The following TAF3 variants were observed in gnomAD, a reference collection of about 807,000 sequenced individuals.
TAF3 encodes TATA-box binding protein associated factor 3.
In TAF3, 7 loss-of-function variants were observed where a neutral mutation model predicts 80.6. That is an observed-to-expected ratio of 0.09 (90% CI 0.05 to 0.16). The LOEUF (loss-of-function observed/expected upper bound fraction) is 0.16. TAF3 is among the 10% of genes least tolerant of loss of function. The pLI is 1.00. For missense variants in TAF3, 921 were observed against 1,140.2 expected (o/e 0.81, Z 2.77); for synonymous variants, 444 against 446.1 (o/e 1.00, Z 0.06).
intron 2 of TAF3, among the ~76,000 whole-genome samples, chr10:7,878,974 C>T (rs1157114475): frequency 1.3e-5 from 2 of 152,110 alleles, no homozygotes; most frequent in Non-Finnish European, 2.9e-5. Context: ...GCAATCCGCT[C>T]ACCTCAGCTT....
At chr10:7,950,115 C>T (rs531823012) in intron 2 of TAF3, among the ~76,000 whole-genome samples, 5 of 152,232 alleles carry the variant, frequency 3.3e-5, no homozygotes, top group East Asian at 3.9e-4. Flanking sequence ...ATGTGGTTCC[C>T]GTATCAGTGA....
At position 7,965,609 on chromosome 10, in the gene TAF3, A is replaced by G; in HGVS notation, c.2099A>G (p.Glu700Gly). Residue 700 changes from glutamate to glycine, a missense_variant, in exon 3 of 7, where the codon GAA becomes GGA. Glu to Gly is a moderately conservative substitution (Grantham distance 98). Transcript: ENST00000344293. ...GAGAAAGAGAAGGTGAAGGAGAAAGAAAAGAAAAAGGACAAAAAGGAGAAG... is the reference window on the plus strand; with the variant it reads ...GAGAAAGAGAAGGTGAAGGAGAAAGGAAAGAAAAAGGACAAAAAGGAGAAG... The part of the protein sequence containing the change: ...FEEKEKVKEK[E>G]KKKDKKEKKK... 6.2e-7 allele frequency: 1 copy of G among 1,601,802 alleles called. No individual in the cohort carries two copies. The highest frequency in any genetic ancestry group is 1.1e-5 in the South Asian group (1 of 87,670).
At position 7,873,024 on chromosome 10, in the gene TAF3, A is replaced by G. The variant is rs187261982; in HGVS notation, c.409+48464A>G. 1.2e-4 allele frequency among the ~76,000 whole-genome samples: 19 copies of G among 152,270 alleles called. No homozygotes were observed. The East Asian group carries it at 3.7e-3, about 29-fold the overall frequency. On this transcript the variant is annotated intron_variant, in intron 2 of 6. Coordinates refer to ENST00000344293, the MANE Select transcript of TAF3 (RefSeq NM_031923.4). Reference sequence around the variant, plus strand: ...CTATAAGTAGTTTAAAAACAAACAGAAATCTTATTTCAAGACTAAATTATA... The same window carrying G: ...CTATAAGTAGTTTAAAAACAAACAGGAATCTTATTTCAAGACTAAATTATA...
intron 2 of TAF3, among the ~76,000 whole-genome samples, chr10:7,855,680 A>G (rs1336394481): frequency 1.3e-5 from 2 of 152,202 alleles, no homozygotes; most frequent in Non-Finnish European, 2.9e-5. Flanking sequence ...TTTTAGTTCC[A>G]TTCTAAAGGC....
At chr10:7,898,160 C>T (rs1304172460) in intron 2 of TAF3, among the ~76,000 whole-genome samples, 2 of 152,104 alleles carry the variant, frequency 1.3e-5, no homozygotes, top group South Asian at 4.1e-4. Flanking sequence ...GTACAAATGG[C>T]TTCAACAGTA....
At chr10:7,927,348 C>T (rs1837825741) in intron 2 of TAF3, among the ~76,000 whole-genome samples, 1 of 152,228 alleles carries the variant, frequency 6.6e-6, no homozygotes, top group East Asian at 1.9e-4. Context: ...CATCTTCCAA[C>T]ATGTTGGTGG....
intron 2 of TAF3, among the ~76,000 whole-genome samples, chr10:7,827,235 C>T (rs1192165147): frequency 6.6e-6 from 1 of 152,162 alleles, no homozygotes. Context: ...CTGGTCTTCC[C>T]AAGTCACTTT....
intron 3 of TAF3, among the ~76,000 whole-genome samples, chr10:7,967,722 G>C (rs1214342181): frequency 1.3e-5 from 2 of 152,198 alleles, no homozygotes; most frequent in African/African-American, 4.8e-5. Flanking sequence ...TACCGTATCT[G>C]ACGCATAAAT....
At chr10:7,838,211 C>T (rs759490214) in intron 2 of TAF3, among the ~76,000 whole-genome samples, 5 of 152,100 alleles carry the variant, frequency 3.3e-5, no homozygotes, top group East Asian at 1.9e-4. Context: ...TGCCATGAGT[C>T]GGATCCTACA....
At chr10:7,839,348 C>T (rs996089257) in intron 2 of TAF3, among the ~76,000 whole-genome samples, 1 of 152,188 alleles carries the variant, frequency 6.6e-6, no homozygotes, top group Admixed American at 6.5e-5. Flanking sequence ...TTAAGTCCTA[C>T]ACTCATTCTC....
chr10:7,886,109 A>G (rs1050053003), intron 2 of TAF3, among the ~76,000 whole-genome samples: 2 of 151,678 alleles, frequency 1.3e-5, no homozygotes, highest in African/African-American at 4.8e-5. Context: ...TTTTTTGTAG[A>G]GATGTGGGGG....
intron 2 of TAF3, among the ~76,000 whole-genome samples, chr10:7,941,794 G>A (rs964069676): frequency 6.6e-6 from 1 of 152,182 alleles, no homozygotes; most frequent in South Asian, 2.1e-4. Flanking sequence ...TTTTACACTC[G>A]TGGGTGCTTG....
At chr10:7,888,390 TAAAA>T (rs769982394) in intron 2 of TAF3, among the ~76,000 whole-genome samples, 1 of 151,680 alleles carries the variant, frequency 6.6e-6, no homozygotes, top group Non-Finnish European at 1.5e-5. Context: ...TCTAAATTTA[TAAAA>T]AAAAAGTTTC....
intron 4 of TAF3, among the ~76,000 whole-genome samples, chr10:7,982,037 T>A (rs941410990): frequency 1.1e-4 from 17 of 152,198 alleles, no homozygotes; most frequent in African/African-American, 4.1e-4. Context: ...AAAATAAGCA[T>A]TTTATATTTT....
intron 3 of TAF3, 82 bp from the exon 4 acceptor site, chr10:7,977,159 T>G: frequency 7.6e-6 from 10 of 1,308,608 alleles, no homozygotes; most frequent in East Asian, 2.3e-5. Flanking sequence ...ACTCAGTTTG[T>G]GAGAGTGGGA....
intron 4 of TAF3, among the ~76,000 whole-genome samples, chr10:7,994,809 CA>C (rs34669002): frequency 0.36 from 44,396 of 124,242 alleles, 7,657 homozygotes; most frequent in Admixed American, 0.48. Context: ...CTAAAAATAC[CA>C]AAAAAAAAAA....
intron 2 of TAF3, among the ~76,000 whole-genome samples, chr10:7,923,637 T>C (rs533815617): frequency 6.6e-5 from 10 of 151,022 alleles, no homozygotes; most frequent in African/African-American, 2.4e-4. Flanking sequence ...GTTGCTTTGG[T>C]TTTCATCCTG....
chr10:7,989,160 A>T (rs981674248), intron 4 of TAF3, among the ~76,000 whole-genome samples: 2 of 152,228 alleles, frequency 1.3e-5, no homozygotes, highest in South Asian at 4.1e-4. Flanking sequence ...TCAGTGGGCC[A>T]GCTGAGATCA....
At chr10:7,996,785 T>A (rs1831891424) in intron 4 of TAF3, among the ~76,000 whole-genome samples, 1 of 151,268 alleles carries the variant, frequency 6.6e-6, no homozygotes, top group Non-Finnish European at 1.5e-5. Flanking sequence ...GCTCAAGCTA[T>A]CCTCCCTTCT....
Sources: allele counts gnomAD v4.1 joint callset (sites outside exome capture counted in the v4.1 genomes callset), GRCh38; gene constraint gnomAD v4.1.1; transcripts MANE v1.5; gene names NCBI Gene and HGNC (gene_info 2026-07-23, HGNC 2026-07-21).